The following GALNT9 variants were observed in gnomAD, a reference collection of about 807,000 sequenced individuals.
GALNT9 encodes the protein GalNAc transferase 9.
Under a neutral mutation model 63.1 loss-of-function variants are expected in GALNT9, and 47 were observed. The ratio of observed to expected loss-of-function variants is 0.75; its 90% confidence interval spans 0.59 to 0.95. GALNT9 has a LOEUF of 0.95. Ranked by LOEUF, GALNT9 falls within the 40% of genes least tolerant of loss-of-function variation. The pLI is 0.00. For missense variants in GALNT9, 829 were observed against 874.8 expected (o/e 0.95, Z 0.66); for synonymous variants, 396 against 365.7 (o/e 1.08, Z -0.94).
At chr12:132,322,933 C>A (rs1190392453) in intron 1 of GALNT9, among the ~76,000 whole-genome samples, 1 of 152,230 alleles carries the variant, frequency 6.6e-6, no homozygotes, top group Non-Finnish European at 1.5e-5. Context: ...CCTGGCCGTC[C>A]CGTACGGGAA....
intron 6 of GALNT9, among the ~76,000 whole-genome samples, chr12:132,229,081 G>A (rs945363864): frequency 8.5e-5 from 13 of 152,200 alleles, no homozygotes; most frequent in Non-Finnish European, 1.8e-4. Flanking sequence ...GCATGGGGCA[G>A]GGGGCCGCCC....
chr12:132,290,201 G>A (rs1880753236), intron 1 of GALNT9, among the ~76,000 whole-genome samples: 1 of 152,130 alleles, frequency 6.6e-6, no homozygotes, highest in Non-Finnish European at 1.5e-5. Flanking sequence ...TGATGTCCCT[G>A]TTCCCAGCCT....
intron 6 of GALNT9, among the ~76,000 whole-genome samples, chr12:132,225,578 CCA>C (rs1320929829): frequency 3.4e-5 from 5 of 147,378 alleles, no homozygotes; most frequent in African/African-American, 1.3e-4. Flanking sequence ...CCCACACAAC[CCA>C]CACACCACAT....
rs189936265 is a variant in GALNT9 at position 132,315,991 on chromosome 12, G to A, written c.238+12975C>T. On this transcript the variant is annotated intron_variant, in intron 1 of 10. Transcript: ENST00000328957. This position sits in a 1 kb window ranked among gnomAD's most constrained non-coding sequence, Gnocchi z 6.1. Reference sequence around the variant, plus strand: ...CGAGAGTGGAGGGTGGTGGGGACGCGGGGTCCTGGAGAGGGCACGGCAGGC... The same window carrying A: ...CGAGAGTGGAGGGTGGTGGGGACGCAGGGTCCTGGAGAGGGCACGGCAGGC... 3.9e-5 allele frequency among the ~76,000 whole-genome samples: 6 copies of A among 152,304 alleles called. No homozygotes were observed. Among genetic ancestry groups the A allele is most frequent in the Non-Finnish European group, 8.8e-5 (6 of 68,016 alleles).
Position 132,310,394 on chromosome 12 carries a change from G to A in GALNT9, c.238+18572C>T, listed in dbSNP as rs56092337. Among the ~76,000 whole-genome samples, 83 of 152,336 alleles carry A rather than the reference G, an allele frequency of 5.4e-4. 1 individual carries two copies. Among genetic ancestry groups the A allele is most frequent in the Middle Eastern group, 3.4e-3 (1 of 294 alleles). On this transcript the variant is annotated intron_variant, in intron 1 of 10. Coordinates refer to ENST00000328957, the MANE Select transcript of GALNT9 (RefSeq NM_001122636.2). The surrounding 1 kb of genome is among the most constrained non-coding windows in gnomAD (Gnocchi z 4.8). ...GGGGCTGAGTGCCAGGAGTGAGAGC[G>A]CACCCACGTGAGGTCAGGCTGCCTC...
intron 5 of GALNT9, among the ~76,000 whole-genome samples, chr12:132,253,152 A>G (rs1878990350): frequency 6.6e-6 from 1 of 152,228 alleles, no homozygotes. Flanking sequence ...TTCTTCTGCT[A>G]TCTACTACGA....
rs1868674873 is a variant in GALNT9 at position 132,319,384 on chromosome 12, G to A, written c.238+9582C>T. ...CCCTCTGCTCCTGCCTGTGGACATC[G>A]GGTGGAGCTGCCAGGTCTCGGGCCT... is the stretch of plus-strand genomic sequence containing the variant. On this transcript the variant is annotated intron_variant, in intron 1 of 10. Coordinates refer to ENST00000328957, the MANE Select transcript of GALNT9 (RefSeq NM_001122636.2). This position sits in a 1 kb window ranked among gnomAD's most constrained non-coding sequence, Gnocchi z 5.2. 6.6e-6 allele frequency among the ~76,000 whole-genome samples: 1 copy of A among 152,146 alleles called. No individual in the cohort carries two copies. The highest frequency in any genetic ancestry group is 2.1e-4 in the South Asian group (1 of 4,822).
intron 8 of GALNT9, 147 bp downstream of exon 8, chr12:132,200,977 C>G (rs1169645019): frequency 1.4e-6 from 1 of 735,758 alleles, no homozygotes; most frequent in Non-Finnish European, 2.2e-6. Context: ...GGGCGGAAGG[C>G]CTGTCGGGCC....
rs1566019001 is a variant in GALNT9 at position 132,303,411 on chromosome 12, AC to A, written c.239-16982del. ...CACAGCCTCGCCCGGGCACACCCTC[AC>A]CCGGGCACAGCCTCGCCCGGGCACA... On this transcript the variant is annotated intron_variant, in intron 1 of 10. Transcript: ENST00000328957. Among the ~76,000 whole-genome samples the A allele has an allele frequency of 9.8e-5, 12 of 121,898 alleles. 1 individual carries two copies. Among genetic ancestry groups the A allele is most frequent in the Admixed American group, 2.8e-4 (3 of 10,898 alleles). 80.0% of individuals were successfully genotyped at this position (121,898 alleles called of 152,430 possible).
At chr12:132,287,062 C>A (rs1555242264) in intron 1 of GALNT9, among the ~76,000 whole-genome samples, 1 of 14,064 alleles carries the variant, frequency 7.1e-5, no homozygotes. Context: ...AGTGAGCGCC[C>A]CCCCCCCCCC....
rs189192367 is a variant in GALNT9 at position 132,300,880 on chromosome 12, C to T, written c.239-14450G>A. ...CTCACTCCCATAACTAACCCACTCCCACATTAAGGGCATTAACCCCTTGGA... is the reference window on the plus strand; with the variant it reads ...CTCACTCCCATAACTAACCCACTCCTACATTAAGGGCATTAACCCCTTGGA... On this transcript the variant is annotated intron_variant, in intron 1 of 10. Coordinates refer to ENST00000328957, the MANE Select transcript of GALNT9 (RefSeq NM_001122636.2). Among the ~76,000 whole-genome samples the T allele has an allele frequency of 2.6e-5, 4 of 152,380 alleles. No homozygotes were observed. In the East Asian group the frequency reaches 5.8e-4, roughly 22 times the overall value.
intron 4 of GALNT9, among the ~76,000 whole-genome samples, chr12:132,258,109 G>A (rs960162340): frequency 2.0e-5 from 3 of 152,154 alleles, no homozygotes; most frequent in Admixed American, 6.5e-5. Flanking sequence ...GTAGCCCCTC[G>A]AATGCCACTG....
At position 132,265,997 on chromosome 12, in the gene GALNT9, C is replaced by T. The variant is rs1455050181; in HGVS notation, c.420-3372G>A. ...TCATGAACAGGCACGCACAGCCAAC[C>T]GCGGGCCTGTCTGCCTTTACACGCC... is the stretch of plus-strand genomic sequence containing the variant. On this transcript the variant is annotated intron_variant, in intron 2 of 10. Transcript: ENST00000328957. The surrounding 1 kb of genome is among the most constrained non-coding windows in gnomAD (Gnocchi z 5.3). 4.6e-5 allele frequency among the ~76,000 whole-genome samples: 7 copies of T among 151,200 alleles called. No homozygotes were observed. In the East Asian group the frequency reaches 9.7e-4, roughly 21 times the overall value.
At chr12:132,318,712 G>A (rs547860367) in intron 1 of GALNT9, among the ~76,000 whole-genome samples, 3 of 152,318 alleles carry the variant, frequency 2.0e-5, no homozygotes, top group Non-Finnish European at 4.4e-5. Flanking sequence ...AGTGCACGCC[G>A]TGGGCCGCCT....
chr12:132,295,626 CA>C (rs1191865876), intron 1 of GALNT9, among the ~76,000 whole-genome samples: 4 of 152,212 alleles, frequency 2.6e-5, no homozygotes, highest in Admixed American at 6.5e-5. Context: ...CAGGGATGCC[CA>C]GGTCACCAGG....
chr12:132,203,852 T>C (rs191925575), intron 6 of GALNT9, among the ~76,000 whole-genome samples, 162 bp from the exon 7 acceptor site: 230 of 152,094 alleles, frequency 1.5e-3, no homozygotes, highest in African/African-American at 5.2e-3. Context: ...TCTCGGGGGC[T>C]GTTTTCAGGG....
intron 2 of GALNT9, among the ~76,000 whole-genome samples, chr12:132,267,800 C>CAGACATACTCACACAT (rs138324682): frequency 7.1e-6 from 1 of 140,020 alleles, no homozygotes; most frequent in African/African-American, 3.0e-5. Flanking sequence ...CGCACTCACA[C>CAGACATACTCACACAT]GCACTCACAC....
At chr12:132,303,439 C>G (rs1404508645) in intron 1 of GALNT9, among the ~76,000 whole-genome samples, 9 of 142,394 alleles carry the variant, frequency 6.3e-5, no homozygotes, top group African/African-American at 1.8e-4. Flanking sequence ...CCGGGCACAC[C>G]CTCGCCCGGG....
At chr12:132,275,354 C>T (rs782244690) in intron 2 of GALNT9, 1 of 152,390 alleles carries the variant, frequency 6.6e-6, no homozygotes, top group Non-Finnish European at 1.5e-5. Flanking sequence ...ACGGCCCAAT[C>T]AGAGCCAGGA....
Sources: gnomAD v4.1 joint callset for allele counts (sites outside exome capture counted in the v4.1 genomes callset) on GRCh38, gnomAD v4.1.1 for gene constraint, Gnocchi (gnomAD v3.1) non-coding constraint, MANE v1.5 for transcripts, NCBI Gene and HGNC (gene_info 2026-07-23, HGNC 2026-07-21) for gene names.